The following MAML2 variants were observed in gnomAD, a reference collection of about 807,000 sequenced individuals.
The protein encoded by MAML2 is mastermind like transcriptional coactivator 2.
MAML2 carries 22 observed loss-of-function variants against 96.1 expected under a neutral mutation model. The ratio of observed to expected loss-of-function variants is 0.23; its 90% CI spans 0.16 to 0.33. MAML2 has a LOEUF of 0.33. MAML2 is among the 10% of genes least tolerant of loss of function. MAML2 has a pLI of 1.00. For synonymous variants in MAML2, 561 were observed against 521.3 expected (o/e 1.08, Z -1.04); for missense variants, 1,367 against 1,392.4 (o/e 0.98, Z 0.29).
chr11:96,221,716 T>A (rs12787561), intron 1 of MAML2, among the ~76,000 whole-genome samples: 1 of 151,002 alleles, frequency 6.6e-6, no homozygotes, highest in African/African-American at 2.4e-5. Flanking sequence ...TTTTTTACTG[T>A]TCTCTGGACC....
Position 96,265,530 on chromosome 11 carries a change from C to T in MAML2, c.513+75853G>A, listed in dbSNP as rs528936395. Among the ~76,000 whole-genome samples the T allele has an allele frequency of 3.2e-4, 48 of 150,418 alleles. 1 individual carries two copies. The highest frequency in any genetic ancestry group is 1.2e-4 in the Non-Finnish European group (8 of 68,018). ...GTCCCAGGTTAGGACTCCACCCCCACGGACCTAGGTGAGGACAGGCATTTT... is the reference window on the plus strand; with the variant it reads ...GTCCCAGGTTAGGACTCCACCCCCATGGACCTAGGTGAGGACAGGCATTTT... On this transcript the variant is annotated intron_variant, in intron 1 of 4. Transcript: ENST00000524717.
chr11:96,215,385 C>T (rs1184381365), intron 1 of MAML2, among the ~76,000 whole-genome samples: 3 of 152,204 alleles, frequency 2.0e-5, no homozygotes, highest in Non-Finnish European at 4.4e-5. Context: ...GATTTCAGAT[C>T]ATAGTGTGCT....
At chr11:96,108,836 C>T (rs1464348320) in intron 1 of MAML2, among the ~76,000 whole-genome samples, 2 of 151,908 alleles carry the variant, frequency 1.3e-5, no homozygotes, top group East Asian at 3.9e-4. Context: ...AGTTCGAGAC[C>T]AGCCTGGGCA....
At chr11:96,206,672 T>C (rs470141) in intron 1 of MAML2, among the ~76,000 whole-genome samples, 53,287 of 152,066 alleles carry the variant, frequency 0.35, 9,590 homozygotes, top group Middle Eastern at 0.45. Flanking sequence ...TTTGTGCTTT[T>C]CAGACCTAAA....
intron 1 of MAML2, among the ~76,000 whole-genome samples, chr11:96,203,000 C>G (rs1290485394): frequency 6.6e-6 from 1 of 151,940 alleles, no homozygotes; most frequent in African/African-American, 2.4e-5. Context: ...AACACAGTAA[C>G]AAGGCAATAA....
intron 2 of MAML2, among the ~76,000 whole-genome samples, chr11:96,058,063 G>T (rs1231770728): frequency 6.6e-6 from 1 of 152,216 alleles, no homozygotes; most frequent in African/African-American, 2.4e-5. Flanking sequence ...AGCCAGGAAG[G>T]CCTCAAGTAA....
Position 96,093,360 on chromosome 11 carries a change from C to A in MAML2, c.671G>T (p.Gly224Val). 6.2e-7 allele frequency: 1 copy of A among 1,613,946 alleles called. No individual in the cohort carries two copies. The highest frequency in any genetic ancestry group is 1.3e-5 in the African/African-American group (1 of 75,018). ...AGQGGLQINN[G>V]QSQIMSGTLP... is the part of the protein sequence containing the mutation. ...GGTCCCTGACATAATCTGACTTTGT[C>A]CATTGTTTATTTGGAGGCCACCTTG... Residue 224 changes from glycine to valine, a missense_variant, in exon 2 of 5, where the codon GGA becomes GTA. By Grantham distance (109) the Gly-to-Val change is moderately radical. Coordinates refer to ENST00000524717, the MANE Select transcript of MAML2 (RefSeq NM_032427.4).
chr11:96,068,035 G>A (rs897245929), intron 2 of MAML2, among the ~76,000 whole-genome samples: 4 of 152,008 alleles, frequency 2.6e-5, no homozygotes, highest in Admixed American at 6.5e-5. Context: ...GCCCAAGTTC[G>A]TTTTTTAAAA....
intron 1 of MAML2, among the ~76,000 whole-genome samples, chr11:96,142,880 G>A (rs1264302215): frequency 6.6e-6 from 1 of 152,062 alleles, no homozygotes; most frequent in African/African-American, 2.4e-5. Flanking sequence ...TTAATAATAG[G>A]GTATTTCAGG....
intron 2 of MAML2, among the ~76,000 whole-genome samples, chr11:96,072,392 TC>T (rs1859360992): frequency 6.6e-6 from 1 of 152,220 alleles, no homozygotes; most frequent in African/African-American, 2.4e-5. Flanking sequence ...GATCTTGAAA[TC>T]AGAAGTTCAC....
intron 2 of MAML2, among the ~76,000 whole-genome samples, chr11:96,055,642 C>T (rs1233064380): frequency 6.6e-6 from 1 of 152,112 alleles, no homozygotes; most frequent in African/African-American, 2.4e-5. Flanking sequence ...ATCCTGGGGC[C>T]CCCATCCTTT....
At chr11:96,321,022 C>A (rs1863692874) in intron 1 of MAML2, among the ~76,000 whole-genome samples, 1 of 151,924 alleles carries the variant, frequency 6.6e-6, no homozygotes, top group Admixed American at 6.5e-5. Context: ...ACTGCAGCAA[C>A]ATGCCTTCAA....
chr11:96,116,883 C>T (rs888686241), intron 1 of MAML2, among the ~76,000 whole-genome samples: 1 of 152,058 alleles, frequency 6.6e-6, no homozygotes, highest in Non-Finnish European at 1.5e-5. Flanking sequence ...AAATACGTAG[C>T]ACATGAGGAG....
At chr11:96,041,975 A>AT (rs549945518) in intron 2 of MAML2, among the ~76,000 whole-genome samples, 39,203 of 121,642 alleles carry the variant, frequency 0.32, 7,506 homozygotes, top group Non-Finnish European at 0.42. Flanking sequence ...CGCCCGGCTA[A>AT]TTTTTTTTTT....
rs1861728851 is a variant in MAML2, at chr11:96,196,237, T to C, written c.514-102720A>G. 2.0e-5 allele frequency among the ~76,000 whole-genome samples: 3 copies of C among 152,324 alleles called. No individual in the cohort carries two copies. In the South Asian group the frequency reaches 6.2e-4, roughly 32 times the overall value. On this transcript the variant is annotated intron_variant, in intron 1 of 4. Coordinates refer to ENST00000524717, the MANE Select transcript of MAML2 (RefSeq NM_032427.4). ...ATACAATGAGATCATTGTTCGTGTG[T>C]TTCCTTGCAGTGATCAGGAAGATAA...
chr11:96,281,011 A>G (rs1863056461), intron 1 of MAML2, among the ~76,000 whole-genome samples: 1 of 152,234 alleles, frequency 6.6e-6, no homozygotes, highest in African/African-American at 2.4e-5. Context: ...TTGTAACAGT[A>G]TTTTCCAATG....
rs181446148 is a variant in MAML2 at position 96,018,983 on chromosome 11, G to A, written c.2140-27260C>T. On this transcript the variant is annotated intron_variant, in intron 2 of 4. Transcript: ENST00000524717. ...ACTGGAAATCTAGAGACAAAAACGT[G>A]ATTGAAATGAGTTTGAGACAAAATG... is the stretch of plus-strand genomic sequence containing the variant. Among the ~76,000 whole-genome samples, 847 of 152,300 alleles carry A rather than the reference G, an allele frequency of 5.6e-3. 10 individuals are homozygous for A. Among genetic ancestry groups the A allele is most frequent in the African/African-American group, 0.017 (705 of 41,574 alleles).
At chr11:95,987,744 G>A (rs2509094) in intron 3 of MAML2, among the ~76,000 whole-genome samples, 33,973 of 152,006 alleles carry the variant, frequency 0.22, 5,746 homozygotes, top group African/African-American at 0.48. Flanking sequence ...CTAAGAAAAA[G>A]GCTTGAAAGA....
At chr11:96,207,389 TAA>T (rs780998246) in intron 1 of MAML2, among the ~76,000 whole-genome samples, 8 of 152,366 alleles carry the variant, frequency 5.3e-5, no homozygotes, top group Non-Finnish European at 8.8e-5. Flanking sequence ...GTGGTCTCTT[TAA>T]TGATATTGCT....
Sources: gnomAD v4.1 joint callset for allele counts (sites outside exome capture counted in the v4.1 genomes callset) on GRCh38, gnomAD v4.1.1 for gene constraint, MANE v1.5 for transcripts, NCBI Gene and HGNC (gene_info 2026-07-23, HGNC 2026-07-21) for gene names.